The following PPP1R18 variants were observed in gnomAD, a reference collection of about 807,000 sequenced individuals.
The protein encoded by PPP1R18 is phostensin.
A neutral mutation model predicts 54.8 loss-of-function variants in PPP1R18; 31 were observed. The ratio of observed to expected loss-of-function variants is 0.57; its 90% CI spans 0.43 to 0.76. The LOEUF (loss-of-function observed/expected upper bound fraction) is 0.76. Ranked by LOEUF, PPP1R18 falls within the 30% of genes least tolerant of loss-of-function variation. The pLI is 0.00. For missense variants in PPP1R18, 685 were observed against 776.1 expected (o/e 0.88, Z 1.39); for synonymous variants, 310 against 320.2 (o/e 0.97, Z 0.34).
chr6:30,684,987 C>A lies in PPP1R18; in HGVS notation c.1032G>T (p.Trp344Cys), dbSNP rs200768782. ...WTLNSGKARE[W>C]TPRDIEAQTQ... ...TTTGAGCCTCTATGTCCCTGGGTGT[C>A]CATTCTCGAGCCTTCCCGGAGTTCA... The change falls in exon 1 of 3, where the codon TGG becomes TGT. Residue 344 changes from tryptophan (W) to cysteine (C), a missense_variant. Physicochemically the swap from Trp to Cys is radical, Grantham distance 215 (BLOSUM62 -2). Coordinates refer to ENST00000274853, the MANE Select transcript of PPP1R18 (RefSeq NM_133471.4). The surrounding 1 kb of genome is among the most constrained non-coding windows in gnomAD (Gnocchi z 6.0). 9.3e-6 allele frequency: 15 copies of A among 1,613,114 alleles called. No homozygotes were observed. The Middle Eastern group carries it at 8.2e-4, about 89-fold the overall frequency.
At chr6:30,680,822 A>T (rs1374407035) in intron 1 of PPP1R18, among the ~76,000 whole-genome samples, 1 of 152,112 alleles carries the variant, frequency 6.6e-6, no homozygotes, top group Non-Finnish European at 1.5e-5. Context: ...GCGGTGGTTC[A>T]TGCCTATAAT....
At position 30,679,239 on chromosome 6, in the gene PPP1R18, CT is replaced by C; in HGVS notation, c.1761del (p.Glu588SerfsTer18). On this transcript the variant is annotated frameshift_variant, in exon 2 of 3. Transcript: ENST00000274853. LOFTEE classifies it high-confidence loss of function. ...AAQPDDEEDE[E>X]ELLLLQPELQ... ...AGCTCTGGCTGCAGCAGCAGCAGCT[CT>C]TCCTCATCCTCTTCGTCGTCGGGTT... is the stretch of plus-strand genomic sequence containing the variant. The C allele has an allele frequency of 6.3e-7, 1 of 1,577,728 alleles. No homozygotes were observed. Among genetic ancestry groups the C allele is most frequent in the Non-Finnish European group, 8.6e-7 (1 of 1,161,974 alleles).
Position 30,679,320 on chromosome 6 carries a change from C to T in PPP1R18, c.1681G>A (p.Glu561Lys). ...YQYPSESSVL[E>K]ELGPEPEVPS... ...ACCTCAGGCTCCGGGCCCAGCTCCT[C>T]CAGTACCGAACTCTCGGAGGGGTAT... The change falls in exon 2 of 3, where the codon GAG becomes AAG. Residue 561 changes from glutamate to lysine, a missense_variant. Transcript: ENST00000274853. 2 of 1,554,090 alleles carry T rather than the reference C, an allele frequency of 1.3e-6. No individual in the cohort carries two copies. The highest frequency in any genetic ancestry group is 1.7e-6 in the Non-Finnish European group (2 of 1,149,738).
At position 30,686,492 on chromosome 6, in the gene PPP1R18, G is replaced by C. The variant is rs374509699; in HGVS notation, c.-474C>G. On this transcript the variant is annotated 5_prime_UTR_variant, in exon 1 of 3. Transcript: ENST00000274853. ...CAGGGAGGCTAGTGTGGGAAGGAAGGACCAGGAATCCCTGAAAGGACCAGG... is the reference window on the plus strand; with the variant it reads ...CAGGGAGGCTAGTGTGGGAAGGAAGCACCAGGAATCCCTGAAAGGACCAGG... 8 of 163,626 alleles carry C rather than the reference G, an allele frequency of 4.9e-5. No homozygotes were observed. Among genetic ancestry groups the C allele is most frequent in the East Asian group, 1.8e-4 (1 of 5,584 alleles). The allele number at this position is 163,626 out of a possible 1,614,324, so 10.1% of individuals were successfully genotyped here.
At position 30,684,738 on chromosome 6, in the gene PPP1R18, T is replaced by G. The variant is rs1312244012; in HGVS notation, c.1281A>C (p.Pro427=). 1 of 1,551,908 alleles carries G rather than the reference T, an allele frequency of 6.4e-7. No homozygotes were observed. The part of the protein sequence containing the change: ...EEEAVELQPP[P]PAPLSPPPPA... ...GGGGTGGGGGAGACAGAGGGGCTGG[T>G]GGTGGGGGCTGGAGCTCCACTGCTT... is the stretch of plus-strand genomic sequence containing the variant. The change falls in exon 1 of 3, where the codon CCA becomes CCC. Residue 427 remains proline, a synonymous_variant. Transcript: ENST00000274853. This position sits in a 1 kb window ranked among gnomAD's most constrained non-coding sequence, Gnocchi z 6.0.
In PPP1R18 at chr6:30,684,552, G is replaced by A. The variant is rs948045424; in HGVS notation, c.1467C>T (p.Thr489=). The A allele has an allele frequency of 6.2e-7, 1 of 1,611,856 alleles. No individual in the cohort carries two copies. The highest frequency in any genetic ancestry group is 1.7e-5 in the Admixed American group (1 of 59,868). The part of the protein sequence containing the change: ...SVPPATPATP[T]SPATVDAAVP... ...CTGCAGCATCAACTGTGGCTGGAGAGGTTGGGGTGGCTGGGGTCGCAGGGG... is the reference window on the plus strand; with the variant it reads ...CTGCAGCATCAACTGTGGCTGGAGAAGTTGGGGTGGCTGGGGTCGCAGGGG... Residue 489 remains threonine, a synonymous_variant, in exon 1 of 3, where the codon ACC becomes ACT. Coordinates refer to ENST00000274853, the MANE Select transcript of PPP1R18 (RefSeq NM_133471.4). The surrounding 1 kb of genome is among the most constrained non-coding windows in gnomAD (Gnocchi z 6.0).
At chr6:30,678,164 G>A (rs1049250127) in intron 2 of PPP1R18, among the ~76,000 whole-genome samples, 2 of 151,890 alleles carry the variant, frequency 1.3e-5, no homozygotes, top group African/African-American at 4.8e-5. Context: ...ACCTGCCTCG[G>A]CCTCCCAAAG....
Position 30,684,942 on chromosome 6 carries a change from T to A in PPP1R18, c.1077A>T (p.Pro359=), listed in dbSNP as rs756179289. The A allele has an allele frequency of 6.2e-7, 1 of 1,613,098 alleles. No individual in the cohort carries two copies. Among genetic ancestry groups the A allele is most frequent in the South Asian group, 1.1e-5 (1 of 91,086 alleles). ...IEAQTQKPEP[P]ESAEKLLESP... ...ATTCCAGAAGCTTCTCTGCTGACTC[T>A]GGAGGTTCTGGTTTCTGAGTTTGAG... Residue 359 remains proline, a synonymous_variant, in exon 1 of 3, where the codon CCA becomes CCT. Coordinates refer to ENST00000274853, the MANE Select transcript of PPP1R18 (RefSeq NM_133471.4). The surrounding 1 kb of genome is among the most constrained non-coding windows in gnomAD (Gnocchi z 6.0).
chr6:30,684,658 T>C lies in PPP1R18; in HGVS notation c.1361A>G (p.Tyr454Cys). 1.3e-6 allele frequency: 2 copies of C among 1,507,358 alleles called. No individual in the cohort carries two copies. Among genetic ancestry groups the C allele is most frequent in the Non-Finnish European group, 1.8e-6 (2 of 1,125,824 alleles). 93.4% of individuals were successfully genotyped at this position (1,507,358 alleles called of 1,614,324 possible). Residue 454 changes from tyrosine (Y) to cysteine (C), a missense_variant, in exon 1 of 3, where the codon TAT (tyrosine) becomes TGT (cysteine). By Grantham distance (194) the Tyr-to-Cys change is radical. Transcript: ENST00000274853. This position sits in a 1 kb window ranked among gnomAD's most constrained non-coding sequence, Gnocchi z 6.0. ...PGDPLMSRLF[Y>C]GVKAGPGVGA... ...CACCCCTGGCCCTGCCTTCACCCCA[T>C]AGAACAGGCGGCTCATGAGGGGATC...
At chr6:30,678,646 G>A (rs1770345816) in intron 2 of PPP1R18, among the ~76,000 whole-genome samples, 2 of 152,048 alleles carry the variant, frequency 1.3e-5, no homozygotes, top group Non-Finnish European at 2.9e-5. Context: ...CCAAAGTGCT[G>A]GGATCACAGG....
At chr6:30,680,019 G>A (rs1465836881) in intron 1 of PPP1R18, among the ~76,000 whole-genome samples, 1 of 152,154 alleles carries the variant, frequency 6.6e-6, no homozygotes, top group Non-Finnish European at 1.5e-5. Flanking sequence ...GAAGAGATGG[G>A]AGATGAACAG....
upstream of PPP1R18, chr6:30,688,346 T>G: frequency 2.6e-6 from 1 of 383,780 alleles, no homozygotes; most frequent in South Asian, 4.5e-5. This position sits in a 1 kb window ranked among gnomAD's most constrained non-coding sequence, Gnocchi z 5.9. Context: ...GCCAGGGGAG[T>G]GGTCAGGGCA....
Position 30,679,258 on chromosome 6 carries a change from G to T in PPP1R18, c.1743C>A (p.Asp581Glu), listed in dbSNP as rs115169407. The T allele has an allele frequency of 6.1e-3, 9,562 of 1,568,052 alleles. 58 individuals are homozygous for T. The highest frequency in any genetic ancestry group is 7.6e-3 in the Non-Finnish European group (8,835 of 1,156,896). ...GCAGCTCTTCCTCATCCTCTTCGTC[G>T]TCGGGTTGGGCTGCTGGAGGGTTGG... ...SAPNPPAAQP[D>E]DEEDEEELLL... Residue 581 changes from aspartate to glutamate, a missense_variant, in exon 2 of 3, where the codon GAC becomes GAA. Transcript: ENST00000274853.
Position 30,685,443 on chromosome 6 carries a change from C to A in PPP1R18, c.576G>T (p.Trp192Cys). Residue 192 changes from tryptophan to cysteine, a missense_variant, in exon 1 of 3, where the codon TGG (tryptophan) becomes TGT (cysteine). Trp to Cys is a radical substitution (Grantham distance 215). Coordinates refer to ENST00000274853, the MANE Select transcript of PPP1R18 (RefSeq NM_133471.4). The surrounding 1 kb of genome is among the most constrained non-coding windows in gnomAD (Gnocchi z 5.0). Reference protein sequence around the residue: ...RSSRLSEAWKWRLSPGETPER... With the variant: ...RSSRLSEAWKCRLSPGETPER... ...CTGGAGTTTCTCCAGGACTCAGCCT[C>A]CATTTCCATGCCTCTGACAGTCGGG... 6.2e-7 allele frequency: 1 copy of A among 1,613,092 alleles called. No individual in the cohort carries two copies. Among genetic ancestry groups the A allele is most frequent in the Non-Finnish European group, 8.5e-7 (1 of 1,180,040 alleles).
intron 1 of PPP1R18, among the ~76,000 whole-genome samples, chr6:30,681,748 C>G (rs899749344): frequency 5.3e-5 from 8 of 150,854 alleles, no homozygotes; most frequent in Non-Finnish European, 1.0e-4. Context: ...TGGGAGACAG[C>G]GAGACTGTCT....
rs755705890 is a variant in PPP1R18, at chr6:30,685,778, C to T, written c.241G>A (p.Ala81Thr). The T allele has an allele frequency of 7.4e-6, 12 of 1,612,934 alleles. No homozygotes were observed. The highest frequency in any genetic ancestry group is 1.0e-5 in the Non-Finnish European group (12 of 1,180,004). The change falls in exon 1 of 3, where the codon GCC becomes ACC. Residue 81 changes from alanine (A) to threonine (T), a missense_variant. By Grantham distance (58) the Ala-to-Thr change is moderately conservative. Coordinates refer to ENST00000274853, the MANE Select transcript of PPP1R18 (RefSeq NM_133471.4). The surrounding 1 kb of genome is among the most constrained non-coding windows in gnomAD (Gnocchi z 5.0). ...CGGTTCTGGTGCACTGGCCCGATGG[C>T]CTCCAGAAGGACCGCAGACTCATCC... ...DPDESAVLLE[A>T]IGPVHQNRFI...
chr6:30,677,251 C>G lies in PPP1R18; in HGVS notation c.*18G>C. On this transcript the variant is annotated 3_prime_UTR_variant, in exon 3 of 3. Transcript: ENST00000274853. ...AGTTATAAGAAGGAGGGAGGTATAT[C>G]CCTATGTTGGAAGATGGTCACCGCC... The G allele has an allele frequency of 1.2e-6, 2 of 1,601,950 alleles. No homozygotes were observed. Among genetic ancestry groups the G allele is most frequent in the Middle Eastern group, 1.7e-4 (1 of 6,038 alleles).
At chr6:30,680,621 G>C (rs1562021182) in intron 1 of PPP1R18, among the ~76,000 whole-genome samples, 1 of 151,836 alleles carries the variant, frequency 6.6e-6, no homozygotes, top group African/African-American at 2.4e-5. Context: ...TTGAGCCCAG[G>C]AGTTCGAGAC....
chr6:30,684,993 T>G lies in PPP1R18; in HGVS notation c.1026A>C (p.Arg342=). Residue 342 remains arginine (R), a synonymous_variant, in exon 1 of 3, where the codon CGA becomes CGC. Transcript: ENST00000274853. This position sits in a 1 kb window ranked among gnomAD's most constrained non-coding sequence, Gnocchi z 6.0. ...CCTCTATGTCCCTGGGTGTCCATTC[T>G]CGAGCCTTCCCGGAGTTCAGGGTCC... The part of the protein sequence containing the change: ...WKWTLNSGKA[R]EWTPRDIEAQ... The G allele has an allele frequency of 1.9e-6, 3 of 1,613,160 alleles. No individual in the cohort carries two copies. The highest frequency in any genetic ancestry group is 2.5e-6 in the Non-Finnish European group (3 of 1,179,962).
Sources: allele counts gnomAD v4.1 joint callset (sites outside exome capture counted in the v4.1 genomes callset), GRCh38; gene constraint gnomAD v4.1.1; non-coding constraint Gnocchi (gnomAD v3.1); transcripts MANE v1.5; gene names NCBI Gene and HGNC (gene_info 2026-07-23, HGNC 2026-07-21).